HIVEP3: variants seen among roughly 807,000 people sequenced by gnomAD.
HIVEP3 encodes transcription factor HIVEP3.
A neutral mutation model predicts 152.8 loss-of-function variants in HIVEP3; 49 were observed. That is an observed-to-expected ratio of 0.32 (90% CI 0.26 to 0.41). The LOEUF (loss-of-function observed/expected upper bound fraction) is 0.41. HIVEP3 is among the 10% of genes least tolerant of loss of function. HIVEP3 has a pLI of 1.00. For synonymous variants in HIVEP3, 1,269 were observed against 1,289.0 expected, an observed-to-expected ratio of 0.98 and a Z score of 0.33; for missense variants, 2,790 against 3,103.3, an observed-to-expected ratio of 0.90 and a Z score of 2.40.
rs142116650 is a variant in HIVEP3, at chr1:42,020,958, G to A, written n.119+14849C>T. 2.6e-3 allele frequency among the ~76,000 whole-genome samples: 396 copies of A among 152,326 alleles called. 3 individuals carry two copies. The highest frequency in any genetic ancestry group is 9.2e-3 in the African/African-American group (383 of 41,584). The stretch of plus-strand genomic sequence containing the variant: ...TTGTAGGAAGAATGAAGAAGCCAGT[G>A]TGACTGTAGCAGAGTGAGTGAGAGA... On this transcript the variant is annotated intron_variant and non_coding_transcript_variant, in intron 1 of 3. Transcript: ENST00000489103.
intron 3 of HIVEP3, among the ~76,000 whole-genome samples, chr1:41,597,091 A>T (rs112780219): frequency 0.012 from 1,767 of 151,748 alleles, 35 homozygotes; most frequent in African/African-American, 0.041. Flanking sequence ...CTCCCTCCCA[A>T]CTCCAAGACC....
intron 1 of HIVEP3, among the ~76,000 whole-genome samples, chr1:41,978,476 C>A (rs1360435163): frequency 6.6e-6 from 1 of 152,168 alleles, no homozygotes; most frequent in Non-Finnish European, 1.5e-5. Flanking sequence ...CACAGGAGGA[C>A]ACAGGAGGCG....
At chr1:41,518,310 G>A in intron 7 of HIVEP3, 92 bp downstream of exon 7, 1 of 1,079,492 alleles carries the variant, frequency 9.3e-7, no homozygotes, top group Non-Finnish European at 1.4e-6. Flanking sequence ...AAAGCAGACA[G>A]AAAGGAAGCA....
At chr1:41,824,756 TATATATATATATATATATA>T (rs1642711912) in intron 1 of HIVEP3, among the ~76,000 whole-genome samples, 1 of 11,038 alleles carries the variant, frequency 9.1e-5, no homozygotes, top group Non-Finnish European at 2.4e-4. Context: ...TATATATATA[TATATATATATATATATATA>T]TATATATATA....
At chr1:41,588,847 C>A (rs1008693390) in intron 3 of HIVEP3, among the ~76,000 whole-genome samples, 1 of 151,950 alleles carries the variant, frequency 6.6e-6, no homozygotes, top group Non-Finnish European at 1.5e-5. Flanking sequence ...TGGACTAGTG[C>A]TCTCTGCCAG....
intron 1 of HIVEP3, among the ~76,000 whole-genome samples, chr1:41,958,569 G>A (rs961340274): frequency 3.9e-5 from 6 of 152,142 alleles, no homozygotes; most frequent in African/African-American, 7.2e-5. Context: ...AGCTGCAGGG[G>A]CAGATGACCA....
intron 1 of HIVEP3, among the ~76,000 whole-genome samples, chr1:41,869,830 AT>A (rs532496038): frequency 1.2e-3 from 183 of 152,346 alleles, no homozygotes; most frequent in African/African-American, 3.7e-3. Flanking sequence ...AGTTGAAAAA[AT>A]AAAGAAAATT....
chr1:41,583,807 T>G lies in HIVEP3; in HGVS notation c.991A>C (p.Thr331Pro), dbSNP rs776661493. The G allele has an allele frequency of 1.9e-6, 3 of 1,599,054 alleles. No individual in the cohort carries two copies. The highest frequency in any genetic ancestry group is 2.6e-6 in the Non-Finnish European group (3 of 1,172,082). Reference protein sequence around the residue: ...HERCSLSQSSTAQSLEDPPPF... With the variant: ...HERCSLSQSSPAQSLEDPPPF... ...GGGGGGTCTTCGAGTGACTGGGCTG[T>G]GCTGGACTGGGACAGGGAACAGCGT... Residue 331 changes from threonine (T) to proline (P), a missense_variant, in exon 4 of 9, where the codon ACA becomes CCA. Physicochemically the swap from Thr to Pro is conservative, Grantham distance 38 (BLOSUM62 -1). Transcript: ENST00000372583. The surrounding 1 kb of genome is among the most constrained non-coding windows in gnomAD (Gnocchi z 6.9).
At chr1:41,776,024 TC>T (rs1283942364) in intron 1 of HIVEP3, among the ~76,000 whole-genome samples, 1 of 152,142 alleles carries the variant, frequency 6.6e-6, no homozygotes, top group Non-Finnish European at 1.5e-5. Context: ...TCACAGAAGA[TC>T]CACTGCAAGG....
intron 1 of HIVEP3, among the ~76,000 whole-genome samples, chr1:41,975,450 T>C (rs17366672): frequency 0.04 from 6,060 of 152,286 alleles, 285 homozygotes; most frequent in Admixed American, 0.15. Flanking sequence ...TGGTAGCAGA[T>C]AGTGGGCCTT....
intron 1 of HIVEP3, among the ~76,000 whole-genome samples, chr1:41,959,453 G>A (rs1009991231): frequency 7.2e-5 from 11 of 152,156 alleles, no homozygotes; most frequent in African/African-American, 2.7e-4. Context: ...AGCAAAGAAA[G>A]TGCACAGGAA....
At chr1:41,762,916 AT>A (rs1284893803) in intron 1 of HIVEP3, among the ~76,000 whole-genome samples, 1 of 152,212 alleles carries the variant, frequency 6.6e-6, no homozygotes, top group African/African-American at 2.4e-5. Flanking sequence ...AATAGGTGGA[AT>A]TGGCCACTCC....
chr1:41,902,631 G>T (rs556103902), intron 1 of HIVEP3, among the ~76,000 whole-genome samples: 1 of 152,330 alleles, frequency 6.6e-6, no homozygotes, highest in African/African-American at 2.4e-5. Flanking sequence ...AGAAACAGAG[G>T]CTACAGAAGC....
intron 1 of HIVEP3, among the ~76,000 whole-genome samples, chr1:41,912,800 CAG>C (rs1171877576): frequency 2.0e-5 from 3 of 152,208 alleles, no homozygotes; most frequent in African/African-American, 4.8e-5. Flanking sequence ...TGCTGACAGT[CAG>C]GGGAAGTTTC....
At chr1:42,012,506 C>T (rs4083557) in intron 1 of HIVEP3, among the ~76,000 whole-genome samples, 103,219 of 151,958 alleles carry the variant, frequency 0.68, 35,701 homozygotes, top group East Asian at 0.96. Context: ...GCCTCACCAA[C>T]GTGGTGAAAC....
chr1:41,814,856 C>T (rs910242640), intron 1 of HIVEP3, among the ~76,000 whole-genome samples: 2 of 152,166 alleles, frequency 1.3e-5, no homozygotes, highest in African/African-American at 2.4e-5. Context: ...TATTCAACTG[C>T]CCATTGATTC....
At chr1:41,815,845 C>T (rs1651232673) in intron 1 of HIVEP3, among the ~76,000 whole-genome samples, 1 of 151,444 alleles carries the variant, frequency 6.6e-6, no homozygotes, top group Non-Finnish European at 1.5e-5. Context: ...TCTCGGCCCA[C>T]TGCAACCCCT....
chr1:41,816,470 T>C (rs1197727377), intron 1 of HIVEP3, among the ~76,000 whole-genome samples: 1 of 152,120 alleles, frequency 6.6e-6, no homozygotes, highest in Non-Finnish European at 1.5e-5. Context: ...GTAGATTACT[T>C]GAGGTCAGGA....
chr1:41,571,657 C>T (rs961303206), intron 5 of HIVEP3, among the ~76,000 whole-genome samples: 2 of 152,318 alleles, frequency 1.3e-5, no homozygotes, highest in Admixed American at 6.5e-5. Context: ...CAAAGAACTA[C>T]AGAGTGTGGA....
Sources: gnomAD v4.1 joint callset for allele counts (sites outside exome capture counted in the v4.1 genomes callset) on GRCh38, gnomAD v4.1.1 for gene constraint, Gnocchi (gnomAD v3.1) non-coding constraint, MANE v1.5 for transcripts, NCBI Gene and HGNC (gene_info 2026-07-23, HGNC 2026-07-21) for gene names.